ORC4: variants seen among roughly 807,000 people sequenced by gnomAD.
The protein encoded by ORC4 is origin recognition complex, subunit 4 homolog.
ORC4 carries 55 observed loss-of-function variants against 63.9 expected under a neutral mutation model. The ratio of observed to expected loss-of-function variants is 0.86; its 90% CI spans 0.69 to 1.08. ORC4 has a LOEUF of 1.08. Among genes scored for constraint, ORC4 ranks in the 50% least tolerant of loss-of-function variants. ORC4 has a pLI of 0.00. For synonymous variants in ORC4, 150 were observed against 168.5 expected, an observed-to-expected ratio of 0.89 and a Z score of 0.85; for missense variants, 511 against 504.4, an observed-to-expected ratio of 1.01 and a Z score of -0.13.
Position 147,935,707 on chromosome 2 carries a change from T to A in ORC4, c.1123-9A>T. The A allele has an allele frequency of 6.2e-7, 1 of 1,609,518 alleles. No individual in the cohort carries two copies. Among genetic ancestry groups the A allele is most frequent in the Non-Finnish European group, 8.5e-7 (1 of 1,177,478 alleles). ...TGCAAGTGTTCAAAAGCCTGAAAGA[T>A]GAAAGAAATAGTTTAGGTTGAATAG... On this transcript the variant is annotated splice_polypyrimidine_tract_variant and intron_variant, in intron 13 of 13. Transcript: ENST00000392857.
chr2:147,948,050 C>A lies in ORC4; in HGVS notation c.762+1G>T, dbSNP rs780959096. ...TTTAGCTTTATTGCCTTTTAAGATA[C>A]CTGAACATTTTCATTCCACTTCTCA... On this transcript the variant is annotated splice_donor_variant, in intron 9 of 13. Coordinates refer to ENST00000392857, the MANE Select transcript of ORC4 (RefSeq NM_181741.4). LOFTEE classifies it high-confidence loss of function. 1.9e-6 allele frequency: 3 copies of A among 1,608,688 alleles called. No individual in the cohort carries two copies. The highest frequency in any genetic ancestry group is 2.2e-5 in the South Asian group (2 of 90,970).
Position 148,001,200 on chromosome 2 carries a change from AG to A in ORC4, c.-18+19432del, listed in dbSNP as rs1372190558. 5.3e-5 allele frequency among the ~76,000 whole-genome samples: 8 copies of A among 152,258 alleles called. No homozygotes were observed. The East Asian group carries it at 1.5e-3, about 29-fold the overall frequency. ...TGGAGAACCTAACCTGTGACAAAGAAGTAAGAACTGTTTTTAATCATAAGCT... is the reference window on the plus strand; with the variant it reads ...TGGAGAACCTAACCTGTGACAAAGAATAAGAACTGTTTTTAATCATAAGCT... On this transcript the variant is annotated intron_variant, in intron 1 of 13. Transcript: ENST00000392857.
At chr2:147,975,589 T>G (rs1208804933) in intron 2 of ORC4, among the ~76,000 whole-genome samples, 1 of 150,270 alleles carries the variant, frequency 6.7e-6, no homozygotes, top group African/African-American at 2.4e-5. Context: ...AGGATAAAAT[T>G]AAATTACAGT....
Position 147,938,432 on chromosome 2 carries a change from A to G in ORC4, c.959-39T>C, listed in dbSNP as rs1043979228. 10 of 1,122,950 alleles carry G rather than the reference A, an allele frequency of 8.9e-6. No homozygotes were observed. In the African/African-American group the frequency reaches 1.2e-4, roughly 14 times the overall value. The allele number at this position is 1,122,950 out of a possible 1,614,324, so 69.6% of individuals were successfully genotyped here. On this transcript the variant is annotated intron_variant, in intron 11 of 13. Transcript: ENST00000392857. ...GAAAAAAAACTATCAGTTTAATGAC[A>G]TATAAGACTGAAATAACTGTTCTCC...
chr2:147,938,022 T>G (rs1688148002), intron 13 of ORC4, 124 bp downstream of exon 13: 1 of 727,688 alleles, frequency 1.4e-6, no homozygotes, highest in Non-Finnish European at 2.4e-6. Flanking sequence ...ATAATTTTCT[T>G]GTTTTGAAAA....
chr2:147,938,568 T>A (rs1308141253), intron 11 of ORC4, 175 bp from the exon 12 acceptor site: 1 of 570,528 alleles, frequency 1.8e-6, no homozygotes, highest in Admixed American at 3.2e-5. Flanking sequence ...TTACTTAACC[T>A]CCCTGAGCTT....
At chr2:147,938,700 T>C in intron 11 of ORC4, 1 of 356,200 alleles carries the variant, frequency 2.8e-6, no homozygotes, top group Non-Finnish European at 5.2e-6. Flanking sequence ...ACTTCAATTG[T>C]TATGTGACTT....
intron 4 of ORC4, among the ~76,000 whole-genome samples, chr2:147,959,083 A>G (rs896839766): frequency 2.6e-5 from 4 of 152,120 alleles, no homozygotes; most frequent in South Asian, 2.1e-4. Context: ...TATTCTCTCA[A>G]TCACCTACCC....
chr2:147,983,891 GAAGAC>G (rs1229667757), intron 1 of ORC4, among the ~76,000 whole-genome samples: 24 of 152,314 alleles, frequency 1.6e-4, no homozygotes, highest in Middle Eastern at 6.8e-3. Context: ...GGAATTAACA[GAAGAC>G]AAGGTGGAGA....
At chr2:148,013,519 T>C (rs1468979318) in intron 1 of ORC4, among the ~76,000 whole-genome samples, 2 of 152,120 alleles carry the variant, frequency 1.3e-5, no homozygotes, top group African/African-American at 2.4e-5. Flanking sequence ...TAGCACAATA[T>C]AGTAATTACA....
At chr2:147,991,466 A>C (rs1035627557) in intron 1 of ORC4, among the ~76,000 whole-genome samples, 1 of 152,184 alleles carries the variant, frequency 6.6e-6, no homozygotes, top group African/African-American at 2.4e-5. Flanking sequence ...GTTATGAAAT[A>C]AACAACCCCC....
chr2:147,967,657 C>T (rs1002290770), intron 4 of ORC4, among the ~76,000 whole-genome samples: 1 of 151,842 alleles, frequency 6.6e-6, no homozygotes, highest in Non-Finnish European at 1.5e-5. Context: ...GGAGGATACA[C>T]ACAAATGAAA....
At chr2:147,958,606 A>C in intron 5 of ORC4, 185 bp downstream of exon 5, 1 of 579,104 alleles carries the variant, frequency 1.7e-6, no homozygotes. Flanking sequence ...CAAAAACCAG[A>C]GTCCTTCTGC....
intron 7 of ORC4, among the ~76,000 whole-genome samples, chr2:147,953,854 A>G (rs1185043985): frequency 7.2e-5 from 11 of 152,188 alleles, no homozygotes; most frequent in Admixed American, 4.6e-4. Flanking sequence ...TAACAAATAC[A>G]GTAGCCTAAA....
At chr2:147,999,911 C>A (rs1265754456) in intron 1 of ORC4, among the ~76,000 whole-genome samples, 3 of 151,388 alleles carry the variant, frequency 2.0e-5, no homozygotes, top group East Asian at 3.9e-4. Context: ...CAAAACCAAA[C>A]AATAATTTTA....
At chr2:148,014,331 A>T (rs1358751324) in intron 1 of ORC4, among the ~76,000 whole-genome samples, 1 of 152,206 alleles carries the variant, frequency 6.6e-6, no homozygotes, top group Non-Finnish European at 1.5e-5. Flanking sequence ...AATAGAATTC[A>T]TGATCTTAAA....
chr2:147,969,622 G>A (rs1482369056), intron 4 of ORC4, among the ~76,000 whole-genome samples: 1 of 151,820 alleles, frequency 6.6e-6, no homozygotes, highest in Non-Finnish European at 1.5e-5. Flanking sequence ...AATGCTGAGA[G>A]AGGGGGAAAA....
Position 147,935,233 on chromosome 2 carries a change from A to C in ORC4, c.*277T>G. The C allele has an allele frequency of 2.3e-6, 1 of 432,804 alleles. No individual in the cohort carries two copies. The highest frequency in any genetic ancestry group is 2.3e-5 in the South Asian group (1 of 44,318). 26.8% of individuals were successfully genotyped at this position (432,804 alleles called of 1,614,324 possible). A position where few individuals can be genotyped will look rare whatever the true frequency, so the allele number is the denominator to read the frequency against. On this transcript the variant is annotated 3_prime_UTR_variant, in exon 14 of 14. Coordinates refer to ENST00000392857, the MANE Select transcript of ORC4 (RefSeq NM_181741.4). ...GAGCTCTTCAAATAGACCATTATATATATAAGTGTTAAAAAAGCACATGGT... is the reference window on the plus strand; with the variant it reads ...GAGCTCTTCAAATAGACCATTATATCTATAAGTGTTAAAAAAGCACATGGT...
At chr2:147,975,191 G>A (rs1690473492) in intron 2 of ORC4, among the ~76,000 whole-genome samples, 2 of 152,208 alleles carry the variant, frequency 1.3e-5, no homozygotes, top group South Asian at 2.1e-4. Context: ...GAAATACCAT[G>A]CTCATTTCCC....
Sources: allele counts gnomAD v4.1 joint callset (sites outside exome capture counted in the v4.1 genomes callset), GRCh38; gene constraint gnomAD v4.1.1; transcripts MANE v1.5; gene names NCBI Gene and HGNC (gene_info 2026-07-23, HGNC 2026-07-21).